The following CHRNB3 variants were observed in gnomAD, a reference collection of about 807,000 sequenced individuals.
CHRNB3 encodes the protein cholinergic receptor nicotinic beta 3 subunit, also known as neuronal acetylcholine receptor subunit beta-3.
In CHRNB3, 37 loss-of-function variants were observed where a neutral mutation model predicts 40.6. That is an observed-to-expected ratio of 0.91 (90% CI 0.70 to 1.20). The LOEUF is 1.20. CHRNB3 is among the 50% of genes most tolerant of loss of function. The pLI is 0.00. For missense variants in CHRNB3, 505 were observed against 551.2 expected, an observed-to-expected ratio of 0.92 and a Z score of 0.84; for synonymous variants, 207 against 207.1, an observed-to-expected ratio of 1.00 and a Z score of 0.00.
intron 3 of CHRNB3, among the ~76,000 whole-genome samples, chr8:42,711,691 A>G (rs1254187260): frequency 2.6e-5 from 4 of 151,986 alleles, no homozygotes; most frequent in African/African-American, 9.7e-5. Flanking sequence ...CACTGTATGT[A>G]TTTATTTATT....
intron 3 of CHRNB3, among the ~76,000 whole-genome samples, chr8:42,717,649 A>G (rs989253994): frequency 3.3e-5 from 5 of 151,758 alleles, no homozygotes; most frequent in African/African-American, 1.2e-4. Context: ...GGCCTACTGT[A>G]TAAACTTGGG....
chr8:42,728,574 A>G (rs1013610038), intron 3 of CHRNB3, among the ~76,000 whole-genome samples: 1 of 152,132 alleles, frequency 6.6e-6, no homozygotes, highest in Non-Finnish European at 1.5e-5. Context: ...TGAAGAATCT[A>G]AATGCATTGC....
intron 2 of CHRNB3, 85 bp downstream of exon 2, chr8:42,708,953 C>A: frequency 7.6e-7 from 1 of 1,307,372 alleles, no homozygotes; most frequent in Non-Finnish European, 1.0e-6. Context: ...TTCCCTATGT[C>A]TGCCATTTCA....
rs764606295 is a variant in CHRNB3 at position 42,730,658 on chromosome 8, T to C, written c.314T>C (p.Val105Ala). Residue 105 changes from valine to alanine, a missense_variant, in exon 4 of 6, where the codon GTT becomes GCT. Coordinates refer to ENST00000289957, the MANE Select transcript of CHRNB3 (RefSeq NM_000749.5). ...DDYGGIHSIK[V>A]PSESLWLPDI... The stretch of plus-strand genomic sequence containing the variant: ...TATGGTGGGATCCATTCCATTAAAG[T>C]TCCATCAGAATCTCTGTGGCTTCCT... 14 of 1,611,350 alleles carry C rather than the reference T, an allele frequency of 8.7e-6. No homozygotes were observed. The East Asian group carries it at 2.9e-4, about 33-fold the overall frequency.
At chr8:42,700,140 A>C (rs1341501091) in intron 1 of CHRNB3, among the ~76,000 whole-genome samples, 1 of 151,212 alleles carries the variant, frequency 6.6e-6, no homozygotes, top group African/African-American at 2.4e-5. Flanking sequence ...CAGCCTCCAG[A>C]GGAGCTGGGA....
At chr8:42,730,849 C>G (rs887279304) in intron 4 of CHRNB3, 146 bp downstream of exon 4, 2 of 396,350 alleles carry the variant, frequency 5.0e-6, no homozygotes, top group Admixed American at 4.1e-5. Context: ...GAGATCGAGA[C>G]CATCCTGGCT....
rs750463267 is a variant in CHRNB3 at position 42,732,056 on chromosome 8, T to C, written c.749T>C (p.Leu250Pro). 8.9e-5 allele frequency: 143 copies of C among 1,614,036 alleles called. No homozygotes were observed. Among genetic ancestry groups the C allele is most frequent in the Non-Finnish European group, 1.2e-4 (136 of 1,180,034 alleles). The change falls in exon 5 of 6, where the codon CTA becomes CCA. Residue 250 changes from leucine (L) to proline (P), a missense_variant. Physicochemically the swap from Leu to Pro is moderately conservative, Grantham distance 98. Transcript: ENST00000289957. ...LIIPCLGLSF[L>P]TVLVFYLPSD... Reference sequence around the variant, plus strand: ...ATCCCCTGCCTGGGGCTGTCTTTCCTAACAGTTCTTGTGTTCTATTTACCT... The same window carrying C: ...ATCCCCTGCCTGGGGCTGTCTTTCCCAACAGTTCTTGTGTTCTATTTACCT...
At chr8:42,705,053 A>T (rs1206390118) in intron 1 of CHRNB3, among the ~76,000 whole-genome samples, 2 of 152,188 alleles carry the variant, frequency 1.3e-5, no homozygotes, top group African/African-American at 4.8e-5. Flanking sequence ...TTCAAGACAG[A>T]TAAGTGGCCA....
chr8:42,723,923 T>C (rs1816261572), intron 3 of CHRNB3, among the ~76,000 whole-genome samples: 1 of 151,178 alleles, frequency 6.6e-6, no homozygotes, highest in Admixed American at 6.6e-5. Flanking sequence ...CCGTCTCTAT[T>C]AAAAATACAA....
intron 1 of CHRNB3, among the ~76,000 whole-genome samples, chr8:42,701,642 C>A (rs1815803134): frequency 1.3e-5 from 2 of 152,188 alleles, no homozygotes; most frequent in South Asian, 4.1e-4. Context: ...TTATCAATAT[C>A]TTTCATGATT....
rs769996848 is a variant in CHRNB3 at position 42,731,820 on chromosome 8, TG to T, written c.515del (p.Gly172AspfsTer14). 6.2e-7 allele frequency: 1 copy of T among 1,614,118 alleles called. No individual in the cohort carries two copies. The highest frequency in any genetic ancestry group is 8.5e-7 in the Non-Finnish European group (1 of 1,180,032). ...FDRQNCSMKFGSWTYDGTMVD... is the reference protein window; with the variant it reads ...FDRQNCSMKFXSWTYDGTMVD... Reference sequence around the variant, plus strand: ...ACCGACAGAACTGCTCCATGAAGTTTGGATCCTGGACTTATGATGGCACCAT... The same window carrying T: ...ACCGACAGAACTGCTCCATGAAGTTTGATCCTGGACTTATGATGGCACCAT... On this transcript the variant is annotated frameshift_variant, in exon 5 of 6. Transcript: ENST00000289957. LOFTEE classifies it high-confidence loss of function.
intron 1 of CHRNB3, 130 bp from the exon 2 acceptor site, chr8:42,708,587 C>T: frequency 1.0e-6 from 1 of 982,794 alleles, no homozygotes; most frequent in Non-Finnish European, 1.5e-6. Context: ...AGTTGCCTTT[C>T]AGGAACTGGG....
At chr8:42,714,798 G>C (rs1408148243) in intron 3 of CHRNB3, 1 of 152,254 alleles carries the variant, frequency 6.6e-6, no homozygotes, top group Non-Finnish European at 1.5e-5. Context: ...CAGAACTGGA[G>C]AGTGGAAGTG....
chr8:42,730,620 G>A lies in CHRNB3; in HGVS notation c.276G>A (p.Trp92Ter). 3.7e-6 allele frequency: 6 copies of A among 1,605,588 alleles called. No homozygotes were observed. The highest frequency in any genetic ancestry group is 5.1e-6 in the Non-Finnish European group (6 of 1,174,926). The change falls in exon 4 of 6, where the codon TGG (tryptophan) becomes TGA (stop). Residue 92 changes from tryptophan (W) to a stop codon, truncating the protein, a stop_gained. Coordinates refer to ENST00000289957, the MANE Select transcript of CHRNB3 (RefSeq NM_000749.5). LOFTEE classifies it high-confidence loss of function. Reference protein sequence around the residue: ...KQEWTDHKLRWNPDDYGGIHS... With the variant: ...KQEWTDHKLR ...AATGGACAGACCACAAGTTACGCTG[G>A]AATCCTGATGATTATGGTGGGATCC...
At chr8:42,735,407 G>A (rs1046704691) in intron 5 of CHRNB3, among the ~76,000 whole-genome samples, 3 of 150,828 alleles carry the variant, frequency 2.0e-5, no homozygotes, top group Non-Finnish European at 4.4e-5. Flanking sequence ...GCATGGTGAC[G>A]AGTGCCTGTA....
intron 5 of CHRNB3, among the ~76,000 whole-genome samples, chr8:42,733,709 C>T (rs1198481354): frequency 6.8e-6 from 1 of 147,476 alleles, no homozygotes; most frequent in Non-Finnish European, 1.5e-5. Context: ...TCTGCTGTCT[C>T]AGCCTCCCAA....
At chr8:42,715,362 T>C (rs1816081140) in intron 3 of CHRNB3, among the ~76,000 whole-genome samples, 1 of 152,044 alleles carries the variant, frequency 6.6e-6, no homozygotes, top group South Asian at 2.1e-4. Context: ...TGAATAGTAG[T>C]CCAATAACAC....
chr8:42,708,248 C>T (rs914123755), intron 1 of CHRNB3, among the ~76,000 whole-genome samples: 1 of 152,052 alleles, frequency 6.6e-6, no homozygotes, highest in Non-Finnish European at 1.5e-5. Context: ...GGACAGACCA[C>T]GAGGTCAGGA....
At chr8:42,706,232 C>T (rs1005735024) in intron 1 of CHRNB3, among the ~76,000 whole-genome samples, 1 of 152,058 alleles carries the variant, frequency 6.6e-6, no homozygotes. Context: ...TTCTGGGAAT[C>T]GCAGACTGGC....
Sources: gnomAD v4.1 joint callset for allele counts (sites outside exome capture counted in the v4.1 genomes callset) on GRCh38, gnomAD v4.1.1 for gene constraint, MANE v1.5 for transcripts, NCBI Gene and HGNC (gene_info 2026-07-23, HGNC 2026-07-21) for gene names.